Variants in SLCO3A1 observed in about 807,000 individuals in gnomAD.
SLCO3A1 encodes solute carrier organic anion transporter family member 3A1.
SLCO3A1 carries 27 observed loss-of-function variants against 63.1 expected under a neutral mutation model. The ratio of observed to expected loss-of-function variants is 0.43; its 90% CI spans 0.32 to 0.59. SLCO3A1 has a LOEUF of 0.59. Ranked by LOEUF, SLCO3A1 falls within the 20% of genes least tolerant of loss-of-function variation. The pLI, the probability that SLCO3A1 is intolerant of heterozygous loss-of-function variation, is 0.09. For missense variants in SLCO3A1, 773 were observed against 945.8 expected (o/e 0.82, Z 2.40); for synonymous variants, 473 against 409.9 (o/e 1.15, Z -1.86).
At position 92,142,456 on chromosome 15, in the gene SLCO3A1, T is replaced by C. The variant is rs1048073674; in HGVS notation, c.1513-4528T>C. ...TGGTGGGAGGGGCAAGGCAGTTCTC[T>C]GGGGCCTCTTCTGTAAGGACACTAA... On this transcript the variant is annotated intron_variant, in intron 7 of 9. Coordinates refer to ENST00000318445, the MANE Select transcript of SLCO3A1 (RefSeq NM_013272.4). Among the ~76,000 whole-genome samples the C allele has an allele frequency of 7.2e-5, 11 of 152,320 alleles. No individual in the cohort carries two copies. In the South Asian group the frequency reaches 1.2e-3, roughly 17 times the overall value.
chr15:92,170,416 C>G (rs145065183), downstream of SLCO3A1, among the ~76,000 whole-genome samples: 1 of 152,148 alleles, frequency 6.6e-6, no homozygotes, highest in Admixed American at 6.5e-5. Flanking sequence ...ACCAGCCCTA[C>G]GAGGTAAGTA....
chr15:91,926,596 T>TGTGTGTGTGTGTGTGTGTGTGTGCGCGC, intron 2 of SLCO3A1, among the ~76,000 whole-genome samples: 37 of 105,250 alleles, frequency 3.5e-4, no homozygotes, highest in African/African-American at 1.3e-3. Context: ...TGTGTGTGTG[T>TGTGTGTGTGTGTGTGTGTGTGTGCGCGC]GCGCGCGCGC....
chr15:92,087,137 G>A (rs919695264), intron 2 of SLCO3A1, among the ~76,000 whole-genome samples: 23 of 152,034 alleles, frequency 1.5e-4, no homozygotes, highest in Admixed American at 1.4e-3. Context: ...TGTGAGGTGA[G>A]GCTCATTCCC....
intron 2 of SLCO3A1, among the ~76,000 whole-genome samples, chr15:91,928,988 T>C (rs976508043): frequency 6.6e-6 from 1 of 152,160 alleles, no homozygotes; most frequent in Admixed American, 6.5e-5. Flanking sequence ...TAAAACATAC[T>C]AGACGCCAGC....
intron 2 of SLCO3A1, among the ~76,000 whole-genome samples, chr15:91,925,100 A>T (rs1046332841): frequency 2.4e-4 from 36 of 152,224 alleles, no homozygotes; most frequent in African/African-American, 8.4e-4. Context: ...GGGAAGGCAC[A>T]CCCATCTTAT....
intron 2 of SLCO3A1, among the ~76,000 whole-genome samples, chr15:92,032,670 G>T (rs1199263642): frequency 6.6e-6 from 1 of 152,134 alleles, no homozygotes; most frequent in Non-Finnish European, 1.5e-5. Flanking sequence ...GTAGGTTGGA[G>T]TGGGCAGCAT....
At chr15:92,171,300 G>A (rs2048519896) in intron 10 of SLCO3A1, 1 of 153,748 alleles carries the variant, frequency 6.5e-6, no homozygotes, top group Admixed American at 6.5e-5. Context: ...CCAGCATGCA[G>A]TGAATATCTG....
At chr15:92,032,679 A>ATCT (rs2046668265) in intron 2 of SLCO3A1, among the ~76,000 whole-genome samples, 1 of 152,276 alleles carries the variant, frequency 6.6e-6, no homozygotes, top group South Asian at 2.1e-4. Context: ...AGTGGGCAGC[A>ATCT]TCTTGCAGGT....
chr15:92,068,645 C>T (rs1157218534), intron 2 of SLCO3A1, among the ~76,000 whole-genome samples: 6 of 152,198 alleles, frequency 3.9e-5, no homozygotes, highest in Admixed American at 3.3e-4. Flanking sequence ...GCACAGAGGC[C>T]TCATACTAAA....
intron 2 of SLCO3A1, among the ~76,000 whole-genome samples, chr15:91,918,228 G>C (rs1898725596): frequency 6.6e-6 from 1 of 152,250 alleles, no homozygotes; most frequent in African/African-American, 2.4e-5. Flanking sequence ...GGCGTGGACA[G>C]TAGGGCTGAT....
At chr15:91,940,990 C>A (rs546510337) in intron 2 of SLCO3A1, among the ~76,000 whole-genome samples, 2 of 152,080 alleles carry the variant, frequency 1.3e-5, no homozygotes, top group African/African-American at 2.4e-5. Context: ...GCCACCCTGC[C>A]GTTTTAGGAG....
rs114632800 is a variant in SLCO3A1 at position 92,019,557 on chromosome 15, A to G, written c.647-75324A>G. Among the ~76,000 whole-genome samples the G allele has an allele frequency of 2.7e-3, 410 of 152,270 alleles. 1 individual carries two copies. Among genetic ancestry groups the G allele is most frequent in the African/African-American group, 9.0e-3 (374 of 41,556 alleles). On this transcript the variant is annotated intron_variant, in intron 2 of 9. Transcript: ENST00000318445. ...GACACACGCTGGAAGCACTCCTTGT[A>G]CAGCAGGAAACTTGAACTGCATCTT...
chr15:92,013,461 C>A (rs1180907198), intron 2 of SLCO3A1, among the ~76,000 whole-genome samples: 1 of 152,078 alleles, frequency 6.6e-6, no homozygotes, highest in Non-Finnish European at 1.5e-5. Flanking sequence ...TAGTGGTGAC[C>A]CCTTTGTGGC....
In SLCO3A1 at chr15:91,886,392, G is replaced by C. The variant is rs1327159503; in HGVS notation, c.181-29601G>C. Among the ~76,000 whole-genome samples the C allele has an allele frequency of 6.6e-6, 1 of 152,108 alleles. No homozygotes were observed. Among genetic ancestry groups the C allele is most frequent in the Non-Finnish European group, 1.5e-5 (1 of 68,018 alleles). ...GCTGCCTCCTATGAGCCCCTGGCCC[G>C]CTGCACCTACCTTGGGTCTGGGTGG... On this transcript the variant is annotated intron_variant, in intron 1 of 9. Coordinates refer to ENST00000318445, the MANE Select transcript of SLCO3A1 (RefSeq NM_013272.4). This position sits in a 1 kb window ranked among gnomAD's most constrained non-coding sequence, Gnocchi z 4.9.
Position 92,126,057 on chromosome 15 carries a change from C to T in SLCO3A1, c.1175-4C>T, listed in dbSNP as rs769644262. The T allele has an allele frequency of 1.2e-6, 2 of 1,613,558 alleles. No homozygotes were observed. The highest frequency in any genetic ancestry group is 2.7e-5 in the African/African-American group (2 of 74,846). Reference sequence around the variant, plus strand: ...ACAGCCCTGCCCCTCTATTTTCCTTCCAGGGATGACTGCGATCCCGTGTGC... The same window carrying T: ...ACAGCCCTGCCCCTCTATTTTCCTTTCAGGGATGACTGCGATCCCGTGTGC... On this transcript the variant is annotated splice_region_variant and splice_polypyrimidine_tract_variant and intron_variant, in intron 5 of 9. Transcript: ENST00000318445.
Position 91,941,521 on chromosome 15 carries a change from C to T in SLCO3A1, c.646+25063C>T. On this transcript the variant is annotated intron_variant, in intron 2 of 9. Coordinates refer to ENST00000318445, the MANE Select transcript of SLCO3A1 (RefSeq NM_013272.4). The surrounding 1 kb of genome is among the most constrained non-coding windows in gnomAD (Gnocchi z 4.4). ...GAGTGACCTTGGCCAAGTTACCTAG[C>T]TTTTCTGAGCCTCACTTTCTTGGCA... The T allele has an allele frequency of 2.2e-6, 1 of 455,876 alleles. No homozygotes were observed. The highest frequency in any genetic ancestry group is 4.4e-6 in the Non-Finnish European group (1 of 226,752). 28.2% of individuals were successfully genotyped at this position (455,876 alleles called of 1,614,324 possible).
chr15:92,098,915 G>C (rs565324657), intron 3 of SLCO3A1, among the ~76,000 whole-genome samples: 1 of 152,180 alleles, frequency 6.6e-6, no homozygotes. Context: ...TAAGAAATCC[G>C]AGAGAGGTTA....
Position 92,164,624 on chromosome 15 carries a change from C to A in SLCO3A1, c.*1489C>A, listed in dbSNP as rs997139710. 5.1e-6 allele frequency: 5 copies of A among 985,112 alleles called. No homozygotes were observed. Among genetic ancestry groups the A allele is most frequent in the Non-Finnish European group, 6.0e-6 (5 of 829,892 alleles). The allele number at this position is 985,112 out of a possible 1,614,324, so 61.0% of individuals were successfully genotyped here. On this transcript the variant is annotated 3_prime_UTR_variant, in exon 10 of 10. Transcript: ENST00000318445. ...AAGAAGTCTGTAGCATCTCTGATAA[C>A]GAATAGACCCACAAGCTCCTGGAAG...
At chr15:92,052,822 ATT>A (rs35961945) in intron 2 of SLCO3A1, among the ~76,000 whole-genome samples, 4 of 151,096 alleles carry the variant, frequency 2.6e-5, no homozygotes, top group Non-Finnish European at 5.9e-5. Flanking sequence ...ATACATTTTA[ATT>A]TTTTTTTTCC....
Sources: gnomAD v4.1 joint callset for allele counts (sites outside exome capture counted in the v4.1 genomes callset) on GRCh38, gnomAD v4.1.1 for gene constraint, Gnocchi (gnomAD v3.1) non-coding constraint, MANE v1.5 for transcripts, NCBI Gene and HGNC (gene_info 2026-07-23, HGNC 2026-07-21) for gene names.